KCNN2: variants seen among roughly 807,000 people sequenced by gnomAD.
KCNN2 encodes small conductance calcium-activated potassium channel protein 2.
In KCNN2, 24 loss-of-function variants were observed where a neutral mutation model predicts 55.5. The observed-to-expected ratio is 0.43, with a 90% confidence interval of 0.31 to 0.61. KCNN2 has a LOEUF of 0.61. Ranked by LOEUF, KCNN2 falls within the 20% of genes least tolerant of loss-of-function variation. The pLI is 0.08. For synonymous variants in KCNN2, 431 were observed against 336.1 expected, an observed-to-expected ratio of 1.28 and a Z score of -3.09; for missense variants, 754 against 853.6, an observed-to-expected ratio of 0.88 and a Z score of 1.45.
intron 1 of KCNN2, among the ~76,000 whole-genome samples, chr5:114,084,017 A>G (rs1268783763): frequency 6.6e-5 from 10 of 151,912 alleles, no homozygotes; most frequent in Admixed American, 3.9e-4. Context: ...TAGCTCACTT[A>G]TTTTTATTGT....
intron 5 of KCNN2, among the ~76,000 whole-genome samples, chr5:114,481,687 A>G (rs1388226258): frequency 8.5e-5 from 13 of 152,188 alleles, no homozygotes; most frequent in Admixed American, 8.5e-4. Flanking sequence ...GTAAACTGGT[A>G]CAAAAACAGA....
At position 114,431,836 on chromosome 5, in the gene KCNN2, C is replaced by A. The variant is rs556772481; in HGVS notation, c.1637+26980C>A. 2.0e-5 allele frequency among the ~76,000 whole-genome samples: 3 copies of A among 152,044 alleles called. No homozygotes were observed. The East Asian group carries it at 5.8e-4, about 29-fold the overall frequency. On this transcript the variant is annotated intron_variant, in intron 3 of 7. Coordinates refer to ENST00000673685, the MANE Select transcript of KCNN2 (RefSeq NM_021614.4). ...TTTCTCTTGAGAATTGTTCTGGGACCCATGTACTATTTCAGAGTTTATTGT... is the reference window on the plus strand; with the variant it reads ...TTTCTCTTGAGAATTGTTCTGGGACACATGTACTATTTCAGAGTTTATTGT...
At chr5:114,447,792 AGTAT>A (rs1462228681) in intron 3 of KCNN2, among the ~76,000 whole-genome samples, 1 of 152,244 alleles carries the variant, frequency 6.6e-6, no homozygotes, top group African/African-American at 2.4e-5. Flanking sequence ...TGATGAGCTG[AGTAT>A]GTACCACACT....
Position 114,488,476 on chromosome 5 carries a change from G to C in KCNN2, c.2018+1299G>C, listed in dbSNP as rs535121114. On this transcript the variant is annotated intron_variant, in intron 6 of 7. Coordinates refer to ENST00000673685, the MANE Select transcript of KCNN2 (RefSeq NM_021614.4). ...CTTAAAATAAGGAAAAACACAGAAA[G>C]GAACATTATATTCCATCTGGCTCAC... 9.6e-4 allele frequency among the ~76,000 whole-genome samples: 146 copies of C among 152,234 alleles called. 1 individual carries two copies. The South Asian group carries it at 0.015, about 15-fold the overall frequency.
In KCNN2 at chr5:114,362,880, G is replaced by A; in HGVS notation, c.741G>A (p.Gln247=). Residue 247 remains glutamine (Q), a synonymous_variant, in exon 1 of 8, where the codon CAG becomes CAA. Coordinates refer to ENST00000673685, the MANE Select transcript of KCNN2 (RefSeq NM_021614.4). ...HEMDSEAQPL[Q]PPASVGGGGG... is the part of the protein sequence containing the mutation. ...TGGACTCAGAGGCGCAGCCCCTGCA[G>A]CCCCCCGCGTCTGTCGGAGGAGGTG... The A allele has an allele frequency of 6.3e-7, 1 of 1,598,574 alleles. No individual in the cohort carries two copies. The highest frequency in any genetic ancestry group is 8.5e-7 in the Non-Finnish European group (1 of 1,178,756).
intron 3 of KCNN2, among the ~76,000 whole-genome samples, chr5:114,437,357 C>T (rs556804262): frequency 5.3e-4 from 80 of 151,412 alleles, no homozygotes; most frequent in African/African-American, 1.9e-3. Context: ...GAAGAGAGGA[C>T]GTGAATGAAT....
At chr5:114,215,275 A>C (rs1280789703) in intron 1 of KCNN2, among the ~76,000 whole-genome samples, 1 of 152,184 alleles carries the variant, frequency 6.6e-6, no homozygotes, top group Non-Finnish European at 1.5e-5. Context: ...AGCCATAATC[A>C]CTTTTATCTT....
intron 1 of KCNN2, among the ~76,000 whole-genome samples, chr5:114,129,872 A>G (rs1303362525): frequency 6.6e-6 from 1 of 152,172 alleles, no homozygotes; most frequent in Non-Finnish European, 1.5e-5. Flanking sequence ...TTCCTGGTAG[A>G]ATCCCTTCTT....
chr5:114,135,426 A>G (rs957097197), intron 1 of KCNN2, among the ~76,000 whole-genome samples: 3 of 152,196 alleles, frequency 2.0e-5, no homozygotes, highest in African/African-American at 7.2e-5. Context: ...GAAAGTTTGC[A>G]TCTAAATATT....
intron 2 of KCNN2, among the ~76,000 whole-genome samples, chr5:114,355,325 A>G (rs1384350248): frequency 6.6e-6 from 1 of 152,202 alleles, no homozygotes; most frequent in Non-Finnish European, 1.5e-5. Context: ...AAATGAGTCA[A>G]TATATCTTGT....
At chr5:114,274,405 G>A (rs1186636995) in intron 2 of KCNN2, among the ~76,000 whole-genome samples, 2 of 152,088 alleles carry the variant, frequency 1.3e-5, no homozygotes, top group Non-Finnish European at 2.9e-5. Context: ...GGATAGCATT[G>A]AATCTATAAA....
intron 2 of KCNN2, among the ~76,000 whole-genome samples, chr5:114,403,016 G>A (rs1478924521): frequency 6.6e-6 from 1 of 152,198 alleles, no homozygotes; most frequent in Non-Finnish European, 1.5e-5. Context: ...GAGAATGGAA[G>A]GAGGGCCAGT....
chr5:114,203,064 C>T (rs187378510), intron 1 of KCNN2, among the ~76,000 whole-genome samples: 126 of 152,204 alleles, frequency 8.3e-4, no homozygotes, highest in African/African-American at 2.9e-3. Context: ...TACACATTTG[C>T]CCTGCCATTC....
intron 2 of KCNN2, among the ~76,000 whole-genome samples, chr5:114,376,002 A>G (rs1757925868): frequency 9.8e-6 from 1 of 101,674 alleles, no homozygotes; most frequent in South Asian, 3.6e-4. Context: ...TAGCATATCT[A>G]TTTCACACAA....
chr5:114,427,300 G>C (rs1029627667), intron 3 of KCNN2, among the ~76,000 whole-genome samples: 1 of 152,168 alleles, frequency 6.6e-6, no homozygotes, highest in Non-Finnish European at 1.5e-5. Context: ...TTGACATGTG[G>C]GTTTGATGGG....
rs1758363177 is a variant in KCNN2, at chr5:114,388,829, A to G, written c.1219-15609A>G. On this transcript the variant is annotated intron_variant, in intron 2 of 7. Transcript: ENST00000673685. ...TATATCAGTTTTTTTTATTTTAACA[A>G]TCTGGATAGGAATATTTCTAAAATT... Among the ~76,000 whole-genome samples the G allele has an allele frequency of 2.6e-5, 4 of 152,132 alleles. No homozygotes were observed. In the South Asian group the frequency reaches 8.3e-4, roughly 31 times the overall value.
chr5:114,089,036 C>T (rs537261125), intron 1 of KCNN2, among the ~76,000 whole-genome samples: 4 of 152,194 alleles, frequency 2.6e-5, no homozygotes, highest in Admixed American at 2.6e-4. Flanking sequence ...AAGTTTTTGT[C>T]TGTTAATTCT....
intron 1 of KCNN2, among the ~76,000 whole-genome samples, chr5:114,160,299 T>C (rs1482433980): frequency 2.0e-5 from 3 of 152,238 alleles, no homozygotes; most frequent in Non-Finnish European, 4.4e-5. Flanking sequence ...TCAGTTTCCA[T>C]GTAGTTGAGC....
chr5:114,401,914 G>T (rs560592958), intron 2 of KCNN2, among the ~76,000 whole-genome samples: 2 of 152,316 alleles, frequency 1.3e-5, no homozygotes, highest in African/African-American at 4.8e-5. Context: ...ATCAGGCCAT[G>T]GTGGGCCTTT....
Sources: gnomAD v4.1 joint callset for allele counts (sites outside exome capture counted in the v4.1 genomes callset) on GRCh38, gnomAD v4.1.1 for gene constraint, MANE v1.5 for transcripts, NCBI Gene and HGNC (gene_info 2026-07-23, HGNC 2026-07-21) for gene names.